RBM33: variants seen among roughly 807,000 people sequenced by gnomAD.
RBM33 encodes the protein RNA binding motif protein 33, also known as RNA-binding protein 33.
In RBM33, 28 loss-of-function variants were observed where a neutral mutation model predicts 132.6. The ratio of observed to expected loss-of-function variants is 0.21; its 90% CI spans 0.16 to 0.29. The LOEUF (loss-of-function observed/expected upper bound fraction) is 0.29. Among genes scored for constraint, RBM33 ranks in the 10% least tolerant of loss-of-function variants. The pLI is 1.00. For missense variants in RBM33, 1,291 were observed against 1,518.5 expected (o/e 0.85, Z 2.49); for synonymous variants, 634 against 593.0 (o/e 1.07, Z -1.01).
chr7:155,700,155 A>C (rs1799915981), intron 5 of RBM33, among the ~76,000 whole-genome samples: 1 of 152,212 alleles, frequency 6.6e-6, no homozygotes, highest in Admixed American at 6.5e-5. Context: ...GTGTGACGAC[A>C]TGACTGAAGA....
At chr7:155,668,778 T>TTGATTCAAATGA (rs1174681676) in intron 2 of RBM33, among the ~76,000 whole-genome samples, 2 of 152,234 alleles carry the variant, frequency 1.3e-5, no homozygotes, top group East Asian at 3.8e-4. Flanking sequence ...TTGAATCATT[T>TTGATTCAAATGA]TGAAATCATA....
At chr7:155,747,718 T>G (rs1801561700) in intron 14 of RBM33, among the ~76,000 whole-genome samples, 1 of 152,250 alleles carries the variant, frequency 6.6e-6, no homozygotes, top group Admixed American at 6.5e-5. Context: ...ACTTCTTAAG[T>G]GTCAACTAGC....
chr7:155,662,963 C>T (rs980805565), intron 1 of RBM33, among the ~76,000 whole-genome samples: 1 of 152,120 alleles, frequency 6.6e-6, no homozygotes, highest in Non-Finnish European at 1.5e-5. Context: ...GGTTTAAAAC[C>T]CATTAATTCT....
At position 155,745,766 on chromosome 7, in the gene RBM33, G is replaced by A. The variant is rs1383921737; in HGVS notation, c.2979+164G>A. 7.2e-6 allele frequency: 5 copies of A among 693,582 alleles called. No individual in the cohort carries two copies. The highest frequency in any genetic ancestry group is 3.1e-5 in the Admixed American group (1 of 32,478). 43.0% of individuals were successfully genotyped at this position (693,582 alleles called of 1,614,324 possible). A position where few individuals can be genotyped will look rare whatever the true frequency, so the allele number is the denominator to read the frequency against. ...GTTGGTATAAGAATTGCCGCTTGAC[G>A]ACAGGCATACATTCTCAGAAATGTG... On this transcript the variant is annotated intron_variant, in intron 14 of 17. Coordinates refer to ENST00000401878, the MANE Select transcript of RBM33 (RefSeq NM_053043.3). The surrounding 1 kb of genome is among the most constrained non-coding windows in gnomAD (Gnocchi z 4.1).
intron 6 of RBM33, among the ~76,000 whole-genome samples, chr7:155,704,238 G>T (rs183852639): frequency 4.7e-4 from 71 of 152,204 alleles, no homozygotes; most frequent in East Asian, 3.5e-3. Context: ...AGAATTCTGG[G>T]CTTTCATCTA....
At chr7:155,671,489 A>G (rs940000193) in intron 2 of RBM33, among the ~76,000 whole-genome samples, 2 of 152,328 alleles carry the variant, frequency 1.3e-5, no homozygotes, top group Non-Finnish European at 2.9e-5. Context: ...ATGATTTGTC[A>G]GGTTGTTTTT....
chr7:155,651,743 A>G (rs1266954802), intron 1 of RBM33, among the ~76,000 whole-genome samples: 3 of 152,308 alleles, frequency 2.0e-5, no homozygotes, highest in African/African-American at 2.4e-5. Flanking sequence ...TATAACTTCC[A>G]TAATAGGAGG....
Position 155,774,598 on chromosome 7 carries a change from A to G in RBM33, c.3415A>G (p.Lys1139Glu). Residue 1139 changes from lysine to glutamate, a missense_variant, in exon 17 of 18, where the codon AAG (lysine) becomes GAG (glutamate). By Grantham distance (56) the Lys-to-Glu change is moderately conservative. Coordinates refer to ENST00000401878, the MANE Select transcript of RBM33 (RefSeq NM_053043.3). The surrounding 1 kb of genome is among the most constrained non-coding windows in gnomAD (Gnocchi z 4.2). ...MLPQQRKAIAKFKEPAHALAF... is the reference protein window; with the variant it reads ...MLPQQRKAIAEFKEPAHALAF... The stretch of plus-strand genomic sequence containing the variant: ...TCCTCAGCAACGGAAAGCCATAGCT[A>G]AGTTCAAGGAGCCAGCCCACGCATT... 1.9e-6 allele frequency: 3 copies of G among 1,614,034 alleles called. No homozygotes were observed. Among genetic ancestry groups the G allele is most frequent in the Non-Finnish European group, 2.5e-6 (3 of 1,179,876 alleles).
chr7:155,722,344 G>A (rs1425067819), intron 9 of RBM33, among the ~76,000 whole-genome samples: 1 of 152,172 alleles, frequency 6.6e-6, no homozygotes, highest in Non-Finnish European at 1.5e-5. Context: ...TGTCAGGAAT[G>A]CTGAATGCTA....
rs138450306 is a variant in RBM33 at position 155,779,776 on chromosome 7, T to C, written c.*4735T>C. On this transcript the variant is annotated 3_prime_UTR_variant, in exon 18 of 18. Transcript: ENST00000401878. Reference sequence around the variant, plus strand: ...CTTTTAATGTCTCAACTCTCTCTTTTCTGTGTCATGTTTTGGTAGGAAATC... The same window carrying C: ...CTTTTAATGTCTCAACTCTCTCTTTCCTGTGTCATGTTTTGGTAGGAAATC... The C allele has an allele frequency of 6.6e-6, 1 of 152,316 alleles. No individual in the cohort carries two copies. The allele number at this position is 152,316 out of a possible 1,614,324, so 9.4% of individuals were successfully genotyped here. A position where few individuals can be genotyped will look rare whatever the true frequency, so the allele number is the denominator to read the frequency against.
At chr7:155,762,277 C>G (rs973023953) in intron 14 of RBM33, among the ~76,000 whole-genome samples, 1 of 152,236 alleles carries the variant, frequency 6.6e-6, no homozygotes, top group Non-Finnish European at 1.5e-5. Context: ...CCCACAGACC[C>G]ATGGGCTTCC....
At position 155,673,768 on chromosome 7, in the gene RBM33, G is replaced by GCACACACACACACACACACA. The variant is rs369116329; in HGVS notation, c.171+867_171+886dup. ...CACGTGTATATACGCGCGCATGCGC[G>GCACACACACACACACACACA]CACACACACACACACACACACACAC... On this transcript the variant is annotated intron_variant, in intron 3 of 17. Transcript: ENST00000401878. Among the ~76,000 whole-genome samples the GCACACACACACACACACACA allele has an allele frequency of 3.0e-4, 40 of 132,980 alleles. 2 individuals carry two copies. The highest frequency in any genetic ancestry group is 1.2e-3 in the South Asian group (5 of 4,294). The allele number at this position is 132,980 out of a possible 152,430, so 87.2% of individuals were successfully genotyped here. A position where few individuals can be genotyped will look rare whatever the true frequency, so the allele number is the denominator to read the frequency against.
chr7:155,729,011 T>C (rs766989702), intron 9 of RBM33, among the ~76,000 whole-genome samples: 2 of 152,154 alleles, frequency 1.3e-5, no homozygotes, highest in African/African-American at 2.4e-5. Context: ...CAAGACTGGG[T>C]AATTTATAAA....
chr7:155,753,468 C>G (rs187682162), intron 14 of RBM33, among the ~76,000 whole-genome samples: 7 of 152,250 alleles, frequency 4.6e-5, no homozygotes, highest in Admixed American at 4.6e-4. Flanking sequence ...AGGAGGATGC[C>G]GCTGTTCTGG....
chr7:155,716,664 C>T (rs2116987282), intron 8 of RBM33, among the ~76,000 whole-genome samples: 1 of 152,144 alleles, frequency 6.6e-6, no homozygotes, highest in Non-Finnish European at 1.5e-5. Context: ...TTATAATCTT[C>T]TGAGGTCAGA....
intron 2 of RBM33, among the ~76,000 whole-genome samples, chr7:155,670,162 C>G (rs1444774891): frequency 6.6e-6 from 1 of 152,202 alleles, no homozygotes; most frequent in Non-Finnish European, 1.5e-5. Context: ...TTTCAAAGAG[C>G]TCATTGTCTG....
At chr7:155,710,779 TCTC>T (rs1229165439) in intron 7 of RBM33, among the ~76,000 whole-genome samples, 19 of 152,062 alleles carry the variant, frequency 1.2e-4, no homozygotes, top group African/African-American at 4.6e-4. Flanking sequence ...CTGGTGCACA[TCTC>T]CTGCCTTGCT....
chr7:155,663,575 C>T (rs1798716419), intron 1 of RBM33, among the ~76,000 whole-genome samples: 2 of 152,154 alleles, frequency 1.3e-5, no homozygotes, highest in African/African-American at 2.4e-5. Flanking sequence ...GGGACCCCAA[C>T]GCCTCCCACC....
intron 2 of RBM33, among the ~76,000 whole-genome samples, chr7:155,670,563 TTCCTA>T (rs1391234054): frequency 6.6e-6 from 1 of 152,236 alleles, no homozygotes; most frequent in Non-Finnish European, 1.5e-5. Flanking sequence ...GTGTCACCAC[TTCCTA>T]GCTGGATGAC....
Sources: allele counts gnomAD v4.1 joint callset (sites outside exome capture counted in the v4.1 genomes callset), GRCh38; gene constraint gnomAD v4.1.1; non-coding constraint Gnocchi (gnomAD v3.1); transcripts MANE v1.5; gene names NCBI Gene and HGNC (gene_info 2026-07-23, HGNC 2026-07-21).